ZNF571: variants seen among roughly 807,000 people sequenced by gnomAD.
The protein encoded by ZNF571 is zinc finger protein 571.
In ZNF571, 4 loss-of-function variants were observed where a neutral mutation model predicts 7.7. That is an observed-to-expected ratio of 0.52 (90% CI 0.25 to 1.18). The LOEUF is 1.18. ZNF571 is among the 50% of genes most tolerant of loss of function. The probability of loss-of-function intolerance (pLI) is 0.14; values close to 1 mark genes in which losing one functional copy is unlikely to be tolerated. For synonymous variants in ZNF571, 251 were observed against 232.4 expected (o/e 1.08, Z -0.73); for missense variants, 704 against 726.9 (o/e 0.97, Z 0.36).
rs113482192 is a variant in ZNF571 at position 37,584,212 on chromosome 19, G to C, written c.10-115C>G. ...AAGTAACACAAAACAACAGGAAATT[G>C]GTTGCCTAAACAGTAGTATTAACCT... is the stretch of plus-strand genomic sequence containing the variant. On this transcript the variant is annotated intron_variant, in intron 2 of 3. Coordinates refer to ENST00000451802, the MANE Select transcript of ZNF571 (RefSeq NM_016536.5). 282 of 1,500,536 alleles carry C rather than the reference G, an allele frequency of 1.9e-4. 3 individuals are homozygous for C. In the African/African-American group the frequency reaches 3.0e-3, roughly 16 times the overall value. 93.0% of individuals were successfully genotyped at this position (1,500,536 alleles called of 1,614,324 possible).
intron 1 of ZNF571, among the ~76,000 whole-genome samples, chr19:37,587,503 A>G (rs2043716113): frequency 6.6e-6 from 1 of 152,236 alleles, no homozygotes; most frequent in Non-Finnish European, 1.5e-5. Flanking sequence ...CAATGTGCGC[A>G]CAGCACGCCC....
rs1441594585 is a variant in ZNF571, at chr19:37,564,582, C to T, written c.*16G>A. On this transcript the variant is annotated 3_prime_UTR_variant, in exon 4 of 4. Coordinates refer to ENST00000451802, the MANE Select transcript of ZNF571 (RefSeq NM_016536.5). ...AGATGAAGATTTTCTTAAATTTAAT[C>T]ACATTCAAGGCTTTCTCAATTATGA... 3 of 1,454,506 alleles carry T rather than the reference C, an allele frequency of 2.1e-6. No individual in the cohort carries two copies. The highest frequency in any genetic ancestry group is 1.7e-5 in the South Asian group (1 of 58,882). The allele number at this position is 1,454,506 out of a possible 1,614,324, so 90.1% of individuals were successfully genotyped here. A position where few individuals can be genotyped will look rare whatever the true frequency, so the allele number is the denominator to read the frequency against.
intron 2 of ZNF571, chr19:37,585,185 C>T (rs1027964898): frequency 3.3e-4 from 50 of 152,296 alleles, no homozygotes; most frequent in African/African-American, 1.2e-3. Flanking sequence ...TGATCATCCT[C>T]TCTCATTGGT....
Position 37,569,245 on chromosome 19 carries a change from G to A in ZNF571, c.137-2954C>T, listed in dbSNP as rs576926943. On this transcript the variant is annotated intron_variant, in intron 3 of 3. Transcript: ENST00000451802. The surrounding 1 kb of genome is among the most constrained non-coding windows in gnomAD (Gnocchi z 4.4). ...TAGGATTACAGGCATGAGTCACTGC[G>A]CCTGGCCCCAAAGCATCCGGAACCA... Among the ~76,000 whole-genome samples, 3 of 152,136 alleles carry A rather than the reference G, an allele frequency of 2.0e-5. No individual in the cohort carries two copies. The highest frequency in any genetic ancestry group is 2.1e-4 in the South Asian group (1 of 4,810).
At chr19:37,576,387 A>G (rs113585336) in intron 3 of ZNF571, among the ~76,000 whole-genome samples, 33 of 152,336 alleles carry the variant, frequency 2.2e-4, no homozygotes, top group Non-Finnish European at 4.1e-4. Context: ...CATTCTAGTG[A>G]GAATGTCCTC....
rs2042825300 is a variant in ZNF571, at chr19:37,565,573, C to T, written c.855G>A (p.Gly285=). 2.5e-6 allele frequency: 4 copies of T among 1,613,458 alleles called. No individual in the cohort carries two copies. Among genetic ancestry groups the T allele is most frequent in the Non-Finnish European group, 3.4e-6 (4 of 1,179,812 alleles). ...GEKPYECKDC[G]KAFILGSQLT... is the part of the protein sequence containing the mutation. ...GTTGAGAGCCAAGAATAAAGGCCTT[C>T]CCACAATCCTTACATTCATAGGGTT... The change falls in exon 4 of 4, where the codon GGG becomes GGA. Residue 285 remains glycine, a synonymous_variant. Transcript: ENST00000451802.
rs759265556 is a variant in ZNF571, at chr19:37,565,339, A to G, written c.1089T>C (p.Tyr363=). The change falls in exon 4 of 4, where the codon TAT becomes TAC. Residue 363 remains tyrosine (Y), a synonymous_variant. Coordinates refer to ENST00000451802, the MANE Select transcript of ZNF571 (RefSeq NM_016536.5). ...HQRIHTGEKP[Y]ECKECGKTFF... ...AGGTCTTCCCGCATTCTTTACATTC[A>G]TAGGGTTTCTCTCCTGTATGAATTC... The G allele has an allele frequency of 4.3e-6, 7 of 1,613,146 alleles. No homozygotes were observed. Among genetic ancestry groups the G allele is most frequent in the Non-Finnish European group, 8.5e-7 (1 of 1,179,676 alleles).
At chr19:37,572,680 A>G (rs921872997) in intron 3 of ZNF571, among the ~76,000 whole-genome samples, 4 of 152,298 alleles carry the variant, frequency 2.6e-5, no homozygotes, top group African/African-American at 7.2e-5. Context: ...ATATATAACA[A>G]TGTGGCTTTC....
chr19:37,585,256 A>C (rs1017985981), intron 2 of ZNF571: 2 of 152,224 alleles, frequency 1.3e-5, no homozygotes, highest in Non-Finnish European at 2.9e-5. Flanking sequence ...CCACAACCTA[A>C]TCCCTGAAAC....
At chr19:37,576,257 T>C (rs1475889419) in intron 3 of ZNF571, among the ~76,000 whole-genome samples, 2 of 152,214 alleles carry the variant, frequency 1.3e-5, no homozygotes, top group African/African-American at 2.4e-5. Context: ...TATAAGCTAA[T>C]GTAGCTTAAT....
At chr19:37,579,627 T>C (rs1038552490) in intron 3 of ZNF571, among the ~76,000 whole-genome samples, 2 of 152,190 alleles carry the variant, frequency 1.3e-5, no homozygotes, top group African/African-American at 4.8e-5. Flanking sequence ...CCTCTGAAGA[T>C]CTTACCATTT....
chr19:37,564,722 C>G lies in ZNF571; in HGVS notation c.1706G>C (p.Arg569Pro). 6.2e-7 allele frequency: 1 copy of G among 1,613,576 alleles called. No homozygotes were observed. The highest frequency in any genetic ancestry group is 8.5e-7 in the Non-Finnish European group (1 of 1,179,624). Residue 569 changes from arginine (R) to proline (P), a missense_variant, in exon 4 of 4, where the codon CGT (arginine) becomes CCT (proline). By Grantham distance (103) the Arg-to-Pro change is moderately radical. Coordinates refer to ENST00000451802, the MANE Select transcript of ZNF571 (RefSeq NM_016536.5). ...ECKECGRAFS[R>P]GSELTLHQRI... ...TTGATGCAGAGTAAGTTCTGAGCCA[C>G]GACTAAAGGCCCTCCCACATTCCTT...
At chr19:37,587,344 C>T (rs1038076350) in intron 1 of ZNF571, 1 of 152,232 alleles carries the variant, frequency 6.6e-6, no homozygotes, top group African/African-American at 2.4e-5. Context: ...TCATTCCTTA[C>T]CAAAGTCTGG....
chr19:37,572,437 C>T (rs1417733243), intron 3 of ZNF571, among the ~76,000 whole-genome samples: 1 of 152,184 alleles, frequency 6.6e-6, no homozygotes, highest in Admixed American at 6.5e-5. Flanking sequence ...TGAATCATCC[C>T]TCTGACCAGC....
At position 37,576,179 on chromosome 19, in the gene ZNF571, A is replaced by G. The variant is rs372828925; in HGVS notation, c.136+7792T>C. 3.3e-5 allele frequency among the ~76,000 whole-genome samples: 5 copies of G among 152,330 alleles called. No individual in the cohort carries two copies. The East Asian group carries it at 7.7e-4, about 23-fold the overall frequency. On this transcript the variant is annotated intron_variant, in intron 3 of 3. Coordinates refer to ENST00000451802, the MANE Select transcript of ZNF571 (RefSeq NM_016536.5). ...AAGTTTGTTTTTTACTAAATTTACT[A>G]AAAAATCCACCAATAATGACACAGC... is the stretch of plus-strand genomic sequence containing the variant.
intron 3 of ZNF571, among the ~76,000 whole-genome samples, chr19:37,576,366 G>C (rs879590279): frequency 6.6e-6 from 1 of 152,096 alleles, no homozygotes; most frequent in Non-Finnish European, 1.5e-5. Context: ...AGTAACACTT[G>C]CAACTATCTG....
chr19:37,589,390 C>A (rs1272866381), intron 1 of ZNF571, among the ~76,000 whole-genome samples: 2 of 151,276 alleles, frequency 1.3e-5, no homozygotes, highest in African/African-American at 4.9e-5. Flanking sequence ...AAATAAAAAA[C>A]AGAGTCCTAA....
chr19:37,590,372 T>G (rs2147213015), intron 1 of ZNF571, among the ~76,000 whole-genome samples: 1 of 151,356 alleles, frequency 6.6e-6, no homozygotes, highest in East Asian at 2.0e-4. Context: ...AGCCAAGATC[T>G]CGCCACCGCA....
At chr19:37,584,279 G>T in intron 2 of ZNF571, 182 bp from the exon 3 acceptor site, 1 of 674,792 alleles carries the variant, frequency 1.5e-6, no homozygotes, top group Non-Finnish European at 2.4e-6. Flanking sequence ...AACTTCCTCT[G>T]TACAATAGAA....
Sources: gnomAD v4.1 joint callset for allele counts (sites outside exome capture counted in the v4.1 genomes callset) on GRCh38, gnomAD v4.1.1 for gene constraint, Gnocchi (gnomAD v3.1) non-coding constraint, MANE v1.5 for transcripts, NCBI Gene and HGNC (gene_info 2026-07-23, HGNC 2026-07-21) for gene names.